The following ARL4A variants were observed in gnomAD, a reference collection of about 807,000 sequenced individuals.
ARL4A encodes the protein ARF like GTPase 4A.
ARL4A carries 5 observed loss-of-function variants against 13.9 expected under a neutral mutation model. The observed-to-expected ratio is 0.36, with a 90% CI of 0.19 to 0.75. The LOEUF is 0.75. Among genes scored for constraint, ARL4A ranks in the 30% least tolerant of loss-of-function variants. The pLI is 0.53. For synonymous variants in ARL4A, 77 were observed against 84.4 expected (o/e 0.91, Z 0.48); for missense variants, 147 against 225.8 (o/e 0.65, Z 2.24).
chr7:12,690,625 G>GT lies in ARL4A; in HGVS notation c.*1781dup, dbSNP rs35820745. ...TTAGATGTGACAGGCATTGAAGGCT[G>GT]TTTTTTTTTTTTTCTCCCTTCACTG... On this transcript the variant is annotated 3_prime_UTR_variant, in exon 2 of 2. Transcript: ENST00000651779. 90,983 of 148,308 alleles carry GT rather than the reference G, an allele frequency of 0.61. 28,152 individuals carry two copies. Among genetic ancestry groups the GT allele is most frequent in the Non-Finnish European group, 0.67 (44,192 of 65,976 alleles). 9.2% of individuals were successfully genotyped at this position (148,308 alleles called of 1,614,324 possible).
At chr7:12,687,291 T>G (rs568571699), upstream of ARL4A, 1 of 152,220 alleles carries the variant, frequency 6.6e-6, no homozygotes, top group South Asian at 2.1e-4. The surrounding 1 kb of genome is among the most constrained non-coding windows in gnomAD (Gnocchi z 5.6). Flanking sequence ...AGCCTTGGCT[T>G]GACGCCCTGG....
At position 12,689,101 on chromosome 7, in the gene ARL4A, G is replaced by C; in HGVS notation, c.*244G>C. 7.1e-6 allele frequency: 3 copies of C among 423,570 alleles called. No homozygotes were observed. The highest frequency in any genetic ancestry group is 1.3e-5 in the Non-Finnish European group (3 of 226,294). The allele number at this position is 423,570 out of a possible 1,614,324, so 26.2% of individuals were successfully genotyped here. A position where few individuals can be genotyped will look rare whatever the true frequency, so the allele number is the denominator to read the frequency against. ...TGGTACTACCATTTGGGGAAGCCAAGCAAGGATAGTAAATTGACCAGAACA... is the reference window on the plus strand; with the variant it reads ...TGGTACTACCATTTGGGGAAGCCAACCAAGGATAGTAAATTGACCAGAACA... On this transcript the variant is annotated 3_prime_UTR_variant, in exon 2 of 2. Transcript: ENST00000651779.
In ARL4A at chr7:12,689,140, T is replaced by A. The variant is rs1282815397; in HGVS notation, c.*283T>A. On this transcript the variant is annotated 3_prime_UTR_variant, in exon 2 of 2. Coordinates refer to ENST00000651779, the MANE Select transcript of ARL4A (RefSeq NM_005738.5). ...TTGACCAGAACACAGTTGTGGGAAT[T>A]TGGTCTGAAGTTAGTGAAATAAAAC... 5 of 303,412 alleles carry A rather than the reference T, an allele frequency of 1.6e-5. No individual in the cohort carries two copies. Among genetic ancestry groups the A allele is most frequent in the Non-Finnish European group, 2.6e-5 (4 of 153,720 alleles). 18.8% of individuals were successfully genotyped at this position (303,412 alleles called of 1,614,324 possible). A position where few individuals can be genotyped will look rare whatever the true frequency, so the allele number is the denominator to read the frequency against.
At position 12,690,567 on chromosome 7, in the gene ARL4A, A is replaced by G. The variant is rs151153441; in HGVS notation, c.*1710A>G. On this transcript the variant is annotated 3_prime_UTR_variant, in exon 2 of 2. Coordinates refer to ENST00000651779, the MANE Select transcript of ARL4A (RefSeq NM_005738.5). ...GATGTGTAAAAACAATTGACCAGCT[A>G]GGCTATTTAGTCCCATAGTAGTTCA... is the stretch of plus-strand genomic sequence containing the variant. 11 of 165,924 alleles carry G rather than the reference A, an allele frequency of 6.6e-5. 1 individual carries two copies. In the East Asian group the frequency reaches 2.1e-3, roughly 32 times the overall value. 10.3% of individuals were successfully genotyped at this position (165,924 alleles called of 1,614,324 possible). A position where few individuals can be genotyped will look rare whatever the true frequency, so the allele number is the denominator to read the frequency against.
rs1350613337 is a variant in ARL4A, at chr7:12,690,956, C to G, written c.*2099C>G. 6.2e-6 allele frequency: 1 copy of G among 162,554 alleles called. No homozygotes were observed. Among genetic ancestry groups the G allele is most frequent in the Non-Finnish European group, 1.5e-5 (1 of 68,080 alleles). The allele number at this position is 162,554 out of a possible 1,614,324, so 10.1% of individuals were successfully genotyped here. On this transcript the variant is annotated 3_prime_UTR_variant, in exon 2 of 2. Transcript: ENST00000651779. ...TAAAAGACAATTTCAGCTATAAAAC[C>G]CATCCTAAGATTTTCTAGCTTGCTA...
At position 12,690,484 on chromosome 7, in the gene ARL4A, G is replaced by A. The variant is rs1784602414; in HGVS notation, c.*1627G>A. On this transcript the variant is annotated 3_prime_UTR_variant, in exon 2 of 2. Coordinates refer to ENST00000651779, the MANE Select transcript of ARL4A (RefSeq NM_005738.5). ...CAATAAACTACTTGAGGCACTAGGAGAACAGTATTTGACTTTGAATTTTAA... is the reference window on the plus strand; with the variant it reads ...CAATAAACTACTTGAGGCACTAGGAAAACAGTATTTGACTTTGAATTTTAA... 6.0e-6 allele frequency: 1 copy of A among 166,858 alleles called. No homozygotes were observed. The highest frequency in any genetic ancestry group is 1.5e-5 in the Non-Finnish European group (1 of 68,070). 10.3% of individuals were successfully genotyped at this position (166,858 alleles called of 1,614,324 possible).
chr7:12,688,945 G>A lies in ARL4A; in HGVS notation c.*88G>A. The A allele has an allele frequency of 7.4e-7, 1 of 1,347,384 alleles. No homozygotes were observed. Among genetic ancestry groups the A allele is most frequent in the Non-Finnish European group, 1.0e-6 (1 of 981,838 alleles). The allele number at this position is 1,347,384 out of a possible 1,614,324, so 83.5% of individuals were successfully genotyped here. On this transcript the variant is annotated 3_prime_UTR_variant, in exon 2 of 2. Transcript: ENST00000651779. This position sits in a 1 kb window ranked among gnomAD's most constrained non-coding sequence, Gnocchi z 5.2. ...AGAGTGTCTACAGCGTGGTTTGCCT[G>A]TCTGCCCTCCTGGATGCTATTAAAG...
upstream of ARL4A, chr7:12,687,034 G>A (rs1232732959): frequency 1.3e-5 from 2 of 152,520 alleles, no homozygotes; most frequent in Admixed American, 1.3e-4. The surrounding 1 kb of genome is among the most constrained non-coding windows in gnomAD (Gnocchi z 5.6). Context: ...AGGGAAGGAC[G>A]GTTAGTCAGG....
In ARL4A at chr7:12,688,914, A is replaced by G; in HGVS notation, c.*57A>G. The G allele has an allele frequency of 1.3e-6, 2 of 1,496,448 alleles. No individual in the cohort carries two copies. Among genetic ancestry groups the G allele is most frequent in the South Asian group, 2.7e-5 (2 of 74,786 alleles). 92.7% of individuals were successfully genotyped at this position (1,496,448 alleles called of 1,614,324 possible). On this transcript the variant is annotated 3_prime_UTR_variant, in exon 2 of 2. Transcript: ENST00000651779. The surrounding 1 kb of genome is among the most constrained non-coding windows in gnomAD (Gnocchi z 5.2). ...GGTTTTCTCTGGTCTGATTTTGACA[A>G]ATAGAAGAGTGTCTACAGCGTGGTT...
chr7:12,688,753 A>C lies in ARL4A; in HGVS notation c.499A>C (p.Thr167Pro). 6.2e-7 allele frequency: 1 copy of C among 1,614,012 alleles called. No individual in the cohort carries two copies. The highest frequency in any genetic ancestry group is 1.1e-5 in the South Asian group (1 of 91,080). ...ATCAACTCCTTGGCATTTGCAGCCT[A>C]CCTGTGCAATCATAGGAGATGGCCT... ...SSSTPWHLQP[T>P]CAIIGDGLKE... Residue 167 changes from threonine (T) to proline (P), a missense_variant, in exon 2 of 2, where the codon ACC (threonine) becomes CCC (proline). Coordinates refer to ENST00000651779, the MANE Select transcript of ARL4A (RefSeq NM_005738.5). The surrounding 1 kb of genome is among the most constrained non-coding windows in gnomAD (Gnocchi z 5.2).
At position 12,690,809 on chromosome 7, in the gene ARL4A, A is replaced by G. The variant is rs188041585; in HGVS notation, c.*1952A>G. 2.0e-4 allele frequency: 34 copies of G among 167,084 alleles called. No homozygotes were observed. The highest frequency in any genetic ancestry group is 6.5e-4 in the Admixed American group (10 of 15,306). The allele number at this position is 167,084 out of a possible 1,614,324, so 10.4% of individuals were successfully genotyped here. On this transcript the variant is annotated 3_prime_UTR_variant, in exon 2 of 2. Coordinates refer to ENST00000651779, the MANE Select transcript of ARL4A (RefSeq NM_005738.5). The stretch of plus-strand genomic sequence containing the variant: ...AATAGTGCTGTTTTTAAGTATTTCA[A>G]AAGCTTGTGTGTTGACCCTTTGTAG...
chr7:12,689,323 A>G lies in ARL4A; in HGVS notation c.*466A>G, dbSNP rs1330339387. On this transcript the variant is annotated 3_prime_UTR_variant, in exon 2 of 2. Transcript: ENST00000651779. ...CAGTTATATTGATCACATTGGTCCA[A>G]CCAGTCCTTTTTTGAAGTAAGGGAC... The G allele has an allele frequency of 1.2e-5, 2 of 168,610 alleles. No homozygotes were observed. The highest frequency in any genetic ancestry group is 2.4e-5 in the African/African-American group (1 of 41,484). 10.4% of individuals were successfully genotyped at this position (168,610 alleles called of 1,614,324 possible). A position where few individuals can be genotyped will look rare whatever the true frequency, so the allele number is the denominator to read the frequency against.
rs1432982526 is a variant in ARL4A at position 12,688,368 on chromosome 7, C to T, written c.114C>T (p.Tyr38=). ...LDCAGKTTVL[Y]RLQFNEFVNT... Reference sequence around the variant, plus strand: ...GTGCTGGAAAGACAACTGTCTTATACAGGCTGCAGTTCAATGAATTTGTAA... The same window carrying T: ...GTGCTGGAAAGACAACTGTCTTATATAGGCTGCAGTTCAATGAATTTGTAA... Residue 38 remains tyrosine, a synonymous_variant, in exon 2 of 2, where the codon TAC becomes TAT. Transcript: ENST00000651779. The surrounding 1 kb of genome is among the most constrained non-coding windows in gnomAD (Gnocchi z 5.2). The T allele has an allele frequency of 1.9e-6, 3 of 1,613,826 alleles. No individual in the cohort carries two copies. Among genetic ancestry groups the T allele is most frequent in the African/African-American group, 2.7e-5 (2 of 74,910 alleles).
upstream of ARL4A, chr7:12,687,489 T>TTA (rs1408197644): frequency 6.5e-6 from 1 of 152,776 alleles, no homozygotes; most frequent in Non-Finnish European, 1.5e-5. This position sits in a 1 kb window ranked among gnomAD's most constrained non-coding sequence, Gnocchi z 5.6. Context: ...GGAGCGGCAG[T>TTA]TACCCTCACC....
Position 12,688,916 on chromosome 7 carries a change from T to C in ARL4A, c.*59T>C, listed in dbSNP as rs541392428. ...TTTTCTCTGGTCTGATTTTGACAAA[T>C]AGAAGAGTGTCTACAGCGTGGTTTG... On this transcript the variant is annotated 3_prime_UTR_variant, in exon 2 of 2. Coordinates refer to ENST00000651779, the MANE Select transcript of ARL4A (RefSeq NM_005738.5). This position sits in a 1 kb window ranked among gnomAD's most constrained non-coding sequence, Gnocchi z 5.2. 4.7e-6 allele frequency: 7 copies of C among 1,490,268 alleles called. No individual in the cohort carries two copies. In the African/African-American group the frequency reaches 7.0e-5, roughly 15 times the overall value. The allele number at this position is 1,490,268 out of a possible 1,614,324, so 92.3% of individuals were successfully genotyped here. A position where few individuals can be genotyped will look rare whatever the true frequency, so the allele number is the denominator to read the frequency against.
rs1784609720 is a variant in ARL4A at position 12,690,776 on chromosome 7, C to G, written c.*1919C>G. The G allele has an allele frequency of 6.0e-6, 1 of 166,684 alleles. No individual in the cohort carries two copies. Among genetic ancestry groups the G allele is most frequent in the African/African-American group, 2.4e-5 (1 of 41,422 alleles). 10.3% of individuals were successfully genotyped at this position (166,684 alleles called of 1,614,324 possible). On this transcript the variant is annotated 3_prime_UTR_variant, in exon 2 of 2. Transcript: ENST00000651779. ...TTTGCCTGTACTTTCTGTCTACCTACTATGTAAAATAGTGCTGTTTTTAAG... is the reference window on the plus strand; with the variant it reads ...TTTGCCTGTACTTTCTGTCTACCTAGTATGTAAAATAGTGCTGTTTTTAAG...
rs1784555064 is a variant in ARL4A, at chr7:12,688,114, G to T, written c.-89-52G>T. 1 of 1,303,282 alleles carries T rather than the reference G, an allele frequency of 7.7e-7. No homozygotes were observed. 80.7% of individuals were successfully genotyped at this position (1,303,282 alleles called of 1,614,324 possible). A position where few individuals can be genotyped will look rare whatever the true frequency, so the allele number is the denominator to read the frequency against. On this transcript the variant is annotated intron_variant, in intron 1 of 1. Coordinates refer to ENST00000651779, the MANE Select transcript of ARL4A (RefSeq NM_005738.5). The surrounding 1 kb of genome is among the most constrained non-coding windows in gnomAD (Gnocchi z 5.2). ...TATTTTAGCAAAGTAGAGCAAACCT[G>T]TTTTAATGTATTATTTCGGGAGAAT...
rs950036332 is a variant in ARL4A at position 12,690,918 on chromosome 7, A to G, written c.*2061A>G. 2 of 166,096 alleles carry G rather than the reference A, an allele frequency of 1.2e-5. No individual in the cohort carries two copies. Among genetic ancestry groups the G allele is most frequent in the Non-Finnish European group, 2.9e-5 (2 of 68,126 alleles). The allele number at this position is 166,096 out of a possible 1,614,324, so 10.3% of individuals were successfully genotyped here. A position where few individuals can be genotyped will look rare whatever the true frequency, so the allele number is the denominator to read the frequency against. On this transcript the variant is annotated 3_prime_UTR_variant, in exon 2 of 2. Transcript: ENST00000651779. Reference sequence around the variant, plus strand: ...AGAGAAAATGGTATGAACACTGTACAAACTTTGATTTATAAAAGACAATTT... The same window carrying G: ...AGAGAAAATGGTATGAACACTGTACGAACTTTGATTTATAAAAGACAATTT...
rs550493395 is a variant in ARL4A, at chr7:12,690,511, G to C, written c.*1654G>C. On this transcript the variant is annotated 3_prime_UTR_variant, in exon 2 of 2. Transcript: ENST00000651779. Reference sequence around the variant, plus strand: ...ACAGTATTTGACTTTGAATTTTAATGTATTTCCACTTTTGCTGAAGCTTTT... The same window carrying C: ...ACAGTATTTGACTTTGAATTTTAATCTATTTCCACTTTTGCTGAAGCTTTT... 255 of 166,792 alleles carry C rather than the reference G, an allele frequency of 1.5e-3. 1 individual carries two copies. The Middle Eastern group carries it at 0.02, about 13-fold the overall frequency. The allele number at this position is 166,792 out of a possible 1,614,324, so 10.3% of individuals were successfully genotyped here. A position where few individuals can be genotyped will look rare whatever the true frequency, so the allele number is the denominator to read the frequency against.
Sources: allele counts gnomAD v4.1 joint callset, GRCh38; gene constraint gnomAD v4.1.1; non-coding constraint Gnocchi (gnomAD v3.1); transcripts MANE v1.5; gene names NCBI Gene and HGNC (gene_info 2026-07-23, HGNC 2026-07-21).